Variants in TSEN54 observed in about 807,000 individuals in gnomAD.
The protein encoded by TSEN54 is tRNA splicing endonuclease subunit 54.
A neutral mutation model predicts 61.9 loss-of-function variants in TSEN54; 55 were observed. The ratio of observed to expected loss-of-function variants is 0.89; its 90% CI spans 0.72 to 1.11. TSEN54 has a LOEUF of 1.11. TSEN54 is among the 50% of genes most tolerant of loss of function. TSEN54 has a pLI of 0.00. For synonymous variants in TSEN54, 304 were observed against 288.7 expected, an observed-to-expected ratio of 1.05 and a Z score of -0.54; for missense variants, 760 against 687.7, an observed-to-expected ratio of 1.11 and a Z score of -1.18.
In TSEN54 at chr17:75,521,918, GGA is replaced by G. The variant is rs1305412521; in HGVS notation, c.841_842del (p.Ser281TrpfsTer12). 6.2e-7 allele frequency: 1 copy of G among 1,610,444 alleles called. No individual in the cohort carries two copies. Among genetic ancestry groups the G allele is most frequent in the Non-Finnish European group, 8.5e-7 (1 of 1,178,904 alleles). On this transcript the variant is annotated frameshift_variant, in exon 8 of 11. Transcript: ENST00000333213. LOFTEE classifies it high-confidence loss of function. The stretch of plus-strand genomic sequence containing the variant: ...CCAGGGAGGGGGTGGGGTGCAGCTG[GGA>G]GAGTGGCAGAGCCGAGAACGGAGTC... ...PAREGVGCSW[E>X]SGRAENGVTG...
intron 10 of TSEN54, 25 bp downstream of exon 10, chr17:75,523,804 C>T (rs1568005010): frequency 8.7e-6 from 14 of 1,609,472 alleles, no homozygotes; most frequent in Non-Finnish European, 1.2e-5. Context: ...AGCACTGCCC[C>T]TCCCCCAGCT....
At position 75,517,529 on chromosome 17, in the gene TSEN54, T is replaced by A. The variant is rs1598474355; in HGVS notation, c.370-28T>A. ...TCTGTGGCACTGTAGTGAGGGCTCATAAGCTGAGCTGTTGGCCCCACTTCC... is the reference window on the plus strand; with the variant it reads ...TCTGTGGCACTGTAGTGAGGGCTCAAAAGCTGAGCTGTTGGCCCCACTTCC... On this transcript the variant is annotated intron_variant, in intron 4 of 10. Transcript: ENST00000333213. The A allele has an allele frequency of 1.3e-6, 2 of 1,591,412 alleles. 1 individual carries two copies. Among genetic ancestry groups the A allele is most frequent in the Middle Eastern group, 3.3e-4 (2 of 6,046 alleles).
Position 75,524,448 on chromosome 17 carries a change from G to C in TSEN54, c.*36G>C, listed in dbSNP as rs751163040. ...CTGCAGAGGATGGAGCTTGCTCCGG[G>C]GGACCGGGACTGTCTGTTCTCAGGG... On this transcript the variant is annotated 3_prime_UTR_variant, in exon 11 of 11. Coordinates refer to ENST00000333213, the MANE Select transcript of TSEN54 (RefSeq NM_207346.3). 1 of 1,613,154 alleles carries C rather than the reference G, an allele frequency of 6.2e-7. No individual in the cohort carries two copies. Among genetic ancestry groups the C allele is most frequent in the Non-Finnish European group, 8.5e-7 (1 of 1,179,882 alleles).
intron 5 of TSEN54, 141 bp from the exon 6 acceptor site, chr17:75,518,854 C>T: frequency 1.3e-6 from 2 of 1,558,788 alleles, no homozygotes; most frequent in South Asian, 2.3e-5. Context: ...GAAGCATGGT[C>T]CAACCTTAAT....
At chr17:75,517,424 C>T in intron 4 of TSEN54, 133 bp from the exon 5 acceptor site, 4 of 1,160,766 alleles carry the variant, frequency 3.4e-6, no homozygotes, top group Non-Finnish European at 5.1e-6. Flanking sequence ...TGCTGCCCCA[C>T]TTTCCTGGTT....
intron 4 of TSEN54, 135 bp from the exon 5 acceptor site, chr17:75,517,422 C>T: frequency 8.7e-7 from 1 of 1,146,722 alleles, no homozygotes. Flanking sequence ...GATGCTGCCC[C>T]ACTTTCCTGG....
At position 75,523,796 on chromosome 17, in the gene TSEN54, C is replaced by A. The variant is rs2053461416; in HGVS notation, c.1430+17C>A. On this transcript the variant is annotated intron_variant, in intron 10 of 10. Transcript: ENST00000333213. The stretch of plus-strand genomic sequence containing the variant: ...CATTAGTGGGTACGCAGTGAGCCAG[C>A]ACTGCCCCTCCCCCAGCTGCTGCCA... 6.2e-7 allele frequency: 1 copy of A among 1,611,926 alleles called. No homozygotes were observed. The highest frequency in any genetic ancestry group is 8.5e-7 in the Non-Finnish European group (1 of 1,178,988).
At position 75,516,893 on chromosome 17, in the gene TSEN54, G is replaced by A. The variant is rs1444614823; in HGVS notation, c.204G>A (p.Glu68=). Residue 68 remains glutamate, a synonymous_variant, in exon 2 of 11, where the codon GAG becomes GAA. Transcript: ENST00000333213. ...AAGAGCTCTGGCAGCTGCTGGCAGA[G>A]CAGCGCGTGGAGCGCCTGTGAGAGG... ...CREELWQLLA[E]QRVERLGSLV... The A allele has an allele frequency of 1.9e-6, 3 of 1,551,654 alleles. No individual in the cohort carries two copies. Among genetic ancestry groups the A allele is most frequent in the East Asian group, 2.4e-5 (1 of 42,122 alleles).
intron 8 of TSEN54, chr17:75,522,695 C>T (rs2053441604): frequency 4.3e-6 from 2 of 465,128 alleles, no homozygotes; most frequent in African/African-American, 3.9e-5. Context: ...GCTCTAAGCC[C>T]AGGGAACCAA....
In TSEN54 at chr17:75,522,192, G is replaced by A. The variant is rs398124621; in HGVS notation, c.1111G>A (p.Glu371Lys). ...QFQEDVNADP[E>K]VQRCSSWREY... ...CCAGGAAGATGTCAACGCCGATCCC[G>A]AGGTGCAGCGGTGCTCCAGCTGGCG... The change falls in exon 8 of 11, where the codon GAG becomes AAG. Residue 371 changes from glutamate to lysine, a missense_variant. By Grantham distance (56) the Glu-to-Lys change is moderately conservative. Coordinates refer to ENST00000333213, the MANE Select transcript of TSEN54 (RefSeq NM_207346.3). 6.5e-6 allele frequency: 10 copies of A among 1,548,212 alleles called. No homozygotes were observed. The highest frequency in any genetic ancestry group is 8.7e-6 in the Non-Finnish European group (10 of 1,143,854).
At position 75,524,534 on chromosome 17, in the gene TSEN54, C is replaced by A; in HGVS notation, c.*122C>A. 7.7e-7 allele frequency: 1 copy of A among 1,290,740 alleles called. No individual in the cohort carries two copies. Among genetic ancestry groups the A allele is most frequent in the Non-Finnish European group, 1.1e-6 (1 of 900,688 alleles). 80.0% of individuals were successfully genotyped at this position (1,290,740 alleles called of 1,614,324 possible). On this transcript the variant is annotated 3_prime_UTR_variant, in exon 11 of 11. Coordinates refer to ENST00000333213, the MANE Select transcript of TSEN54 (RefSeq NM_207346.3). ...CTGTAGCTTCAGAGGCCAGTCTGGGCCTTGGCCCTGGGTGTCTGATACTCA... is the reference window on the plus strand; with the variant it reads ...CTGTAGCTTCAGAGGCCAGTCTGGGACTTGGCCCTGGGTGTCTGATACTCA...
chr17:75,522,202 G>GCT lies in TSEN54; in HGVS notation c.1121_1122insCT (p.Ser376AlafsTer35). On this transcript the variant is annotated frameshift_variant, in exon 8 of 11. Coordinates refer to ENST00000333213, the MANE Select transcript of TSEN54 (RefSeq NM_207346.3). LOFTEE classifies it high-confidence loss of function. ...GTCAACGCCGATCCCGAGGTGCAGC[G>GCT]GTGCTCCAGCTGGCGGGAGTACAAG... 1 of 1,550,226 alleles carries GCT rather than the reference G, an allele frequency of 6.5e-7. No individual in the cohort carries two copies. Among genetic ancestry groups the GCT allele is most frequent in the Non-Finnish European group, 8.7e-7 (1 of 1,145,736 alleles).
rs1179159490 is a variant in TSEN54, at chr17:75,517,626, G to C, written c.439G>C (p.Asp147His). ...GGAAGCTTACCAGCTGCTGCTGACC[G>C]ACCACACTGTGACCTTCCTGCAGTA... ...IQEAYQLLLT[D>H]HTVTFLQYQV... The change falls in exon 5 of 11, where the codon GAC (aspartate) becomes CAC (histidine). Residue 147 changes from aspartate to histidine, a missense_variant. Coordinates refer to ENST00000333213, the MANE Select transcript of TSEN54 (RefSeq NM_207346.3). 10 of 1,613,796 alleles carry C rather than the reference G, an allele frequency of 6.2e-6. No individual in the cohort carries two copies. The highest frequency in any genetic ancestry group is 8.5e-6 in the Non-Finnish European group (10 of 1,180,014).
rs904918193 is a variant in TSEN54, at chr17:75,516,563, G to GGAGCCCGAGCCC, written c.11_22dup (p.Glu4_Pro7dup). 8 of 1,124,736 alleles carry GGAGCCCGAGCCC rather than the reference G, an allele frequency of 7.1e-6. No individual in the cohort carries two copies. In the East Asian group the frequency reaches 3.1e-4, roughly 44 times the overall value. 69.7% of individuals were successfully genotyped at this position (1,124,736 alleles called of 1,614,324 possible). A position where few individuals can be genotyped will look rare whatever the true frequency, so the allele number is the denominator to read the frequency against. ...GCGCAGCGGCAGGCGGCGGCGGGATGGAGCCCGAGCCCGAGCCCGCGGCCG... is the reference window on the plus strand; with the variant it reads ...GCGCAGCGGCAGGCGGCGGCGGGATGGAGCCCGAGCCCGAGCCCGAGCCCGAGCCCGCGGCCG... On this transcript the variant is annotated inframe_insertion, in exon 1 of 11. Transcript: ENST00000333213.
In TSEN54 at chr17:75,524,334, C is replaced by T. The variant is rs2147019632; in HGVS notation, c.1503C>T (p.Ile501=). 1 of 1,614,214 alleles carries T rather than the reference C, an allele frequency of 6.2e-7. No individual in the cohort carries two copies. Among genetic ancestry groups the T allele is most frequent in the Non-Finnish European group, 8.5e-7 (1 of 1,180,040 alleles). ...LSYQSGDVPL[I]FALVDHGDIS... ...ACCAGAGTGGGGATGTCCCTCTGAT[C>T]TTTGCCCTGGTGGATCATGGTGACA... is the stretch of plus-strand genomic sequence containing the variant. Residue 501 remains isoleucine, a synonymous_variant, in exon 11 of 11, where the codon ATC becomes ATT. Coordinates refer to ENST00000333213, the MANE Select transcript of TSEN54 (RefSeq NM_207346.3).
Position 75,517,562 on chromosome 17 carries a change from C to T in TSEN54, c.375C>T (p.Ser125=), listed in dbSNP as rs764228638. 7 of 1,613,750 alleles carry T rather than the reference C, an allele frequency of 4.3e-6. No individual in the cohort carries two copies. The South Asian group carries it at 6.6e-5, about 15-fold the overall frequency. ...GCTGTTGGCCCCACTTCCAGGGCTC[C>T]ATCCACCTCTTCCACCAAGACCTGC... The part of the protein sequence containing the change: ...EEALYLLECG[S]IHLFHQDLPL... Residue 125 remains serine (S), a synonymous_variant, in exon 5 of 11, where the codon TCC becomes TCT. Transcript: ENST00000333213.
intron 6 of TSEN54, among the ~76,000 whole-genome samples, chr17:75,520,067 ACACT>A (rs2053411575): frequency 1.3e-5 from 2 of 152,054 alleles, no homozygotes; most frequent in Non-Finnish European, 2.9e-5. Context: ...CACACAGAAC[ACACT>A]CACTGTGCAA....
rs984323039 is a variant in TSEN54, at chr17:75,521,833, T to C, written c.752T>C (p.Met251Thr). The C allele has an allele frequency of 6.2e-7, 1 of 1,612,518 alleles. No individual in the cohort carries two copies. Among genetic ancestry groups the C allele is most frequent in the Non-Finnish European group, 8.5e-7 (1 of 1,179,828 alleles). ...PEEKPQESSP[M>T]KGPGGPFQLL... ...GAGAAACCCCAGGAGTCAAGCCCCATGAAGGGCCCAGGGGGCCCCTTTCAG... is the reference window on the plus strand; with the variant it reads ...GAGAAACCCCAGGAGTCAAGCCCCACGAAGGGCCCAGGGGGCCCCTTTCAG... The change falls in exon 8 of 11, where the codon ATG (methionine) becomes ACG (threonine). Residue 251 changes from methionine to threonine, a missense_variant. Physicochemically the swap from Met to Thr is moderately conservative, Grantham distance 81. Around this residue, in one of 3 missense-constraint regions of TSEN54, gnomAD observed 667 missense variants for 577.8 expected, o/e 1.15. Transcript: ENST00000333213.
chr17:75,517,171 G>A lies in TSEN54; in HGVS notation c.296G>A (p.Trp99Ter). ...VELKSPAGKF[W>*]QTMGFSEQGR... Reference sequence around the variant, plus strand: ...CTGGGCCCCACACAGGGCAAATTCTGGCAGACCATGGGCTTCTCAGAGCAG... The same window carrying A: ...CTGGGCCCCACACAGGGCAAATTCTAGCAGACCATGGGCTTCTCAGAGCAG... The change falls in exon 4 of 11, where the codon TGG (tryptophan) becomes TAG (stop). Residue 99 changes from tryptophan to a stop codon, truncating the protein, a stop_gained. Transcript: ENST00000333213. LOFTEE classifies it high-confidence loss of function. 1 of 1,593,918 alleles carries A rather than the reference G, an allele frequency of 6.3e-7. No individual in the cohort carries two copies. The highest frequency in any genetic ancestry group is 8.5e-7 in the Non-Finnish European group (1 of 1,170,196).
Sources: allele counts gnomAD v4.1 joint callset (sites outside exome capture counted in the v4.1 genomes callset), GRCh38; gene constraint gnomAD v4.1.1; regional missense constraint gnomAD v4.1.1; transcripts MANE v1.5; gene names NCBI Gene and HGNC (gene_info 2026-07-23, HGNC 2026-07-21).